The following PAPPA2 variants were observed in gnomAD, a reference collection of about 807,000 sequenced individuals.
The protein encoded by PAPPA2 is pappalysin-2.
PAPPA2 carries 86 observed loss-of-function variants against 176.4 expected under a neutral mutation model. The observed-to-expected ratio is 0.49, with a 90% CI of 0.41 to 0.58. The LOEUF (loss-of-function observed/expected upper bound fraction) is 0.58, where lower values mean the gene tolerates loss of function less well. Ranked by LOEUF, PAPPA2 falls within the 20% of genes least tolerant of loss-of-function variation. The pLI, the probability that PAPPA2 is intolerant of heterozygous loss-of-function variation, is 0.00. For missense variants in PAPPA2, 2,073 were observed against 2,256.9 expected (o/e 0.92, Z 1.65); for synonymous variants, 809 against 852.2 (o/e 0.95, Z 0.88).
intron 19 of PAPPA2, among the ~76,000 whole-genome samples, chr1:176,792,820 G>A (rs2102940381): frequency 6.6e-6 from 1 of 152,276 alleles, no homozygotes; most frequent in Non-Finnish European, 1.5e-5. Flanking sequence ...TATAGATGAG[G>A]AAATAGAGAA....
At chr1:176,469,254 A>G (rs1298354309) in intron 1 of PAPPA2, among the ~76,000 whole-genome samples, 1 of 152,172 alleles carries the variant, frequency 6.6e-6, no homozygotes, top group Non-Finnish European at 1.5e-5. Flanking sequence ...TGTTGGAAAA[A>G]TACTTTTCTG....
At position 176,734,667 on chromosome 1, in the gene PAPPA2, T is replaced by G. The variant is rs538291005; in HGVS notation, c.3799-4959T>G. 3.3e-5 allele frequency among the ~76,000 whole-genome samples: 5 copies of G among 152,190 alleles called. No homozygotes were observed. In the South Asian group the frequency reaches 1.0e-3, roughly 32 times the overall value. Reference sequence around the variant, plus strand: ...ATTTCAGGTAAGATCCCTTGAAACTTTGATTATTAAACTCTTCCTCGACAA... The same window carrying G: ...ATTTCAGGTAAGATCCCTTGAAACTGTGATTATTAAACTCTTCCTCGACAA... On this transcript the variant is annotated intron_variant, in intron 12 of 22. Coordinates refer to ENST00000367662, the MANE Select transcript of PAPPA2 (RefSeq NM_020318.3).
intron 3 of PAPPA2, among the ~76,000 whole-genome samples, chr1:176,618,245 A>G (rs1170374911): frequency 1.3e-5 from 2 of 152,134 alleles, no homozygotes; most frequent in Admixed American, 1.3e-4. Context: ...ATTGAATTTT[A>G]TGACCTCCAT....
At chr1:176,629,539 A>T (rs1389905274) in intron 3 of PAPPA2, among the ~76,000 whole-genome samples, 1 of 152,120 alleles carries the variant, frequency 6.6e-6, no homozygotes, top group Non-Finnish European at 1.5e-5. Flanking sequence ...TGTTTGAATT[A>T]AGCTGGGATG....
In PAPPA2 at chr1:176,701,336, C is replaced by A. The variant is rs112447893; in HGVS notation, c.3237-1271C>A. ...GTTTCCATCCAGTCCTTTCCCCAGCCACAGAAAAGTGTGAAGCTTTTATGC... is the reference window on the plus strand; with the variant it reads ...GTTTCCATCCAGTCCTTTCCCCAGCAACAGAAAAGTGTGAAGCTTTTATGC... On this transcript the variant is annotated intron_variant, in intron 8 of 22. Transcript: ENST00000367662. Among the ~76,000 whole-genome samples, 570 of 152,238 alleles carry A rather than the reference C, an allele frequency of 3.7e-3. 4 individuals carry two copies. Among genetic ancestry groups the A allele is most frequent in the African/African-American group, 0.013 (533 of 41,532 alleles).
In PAPPA2 at chr1:176,844,496, AC is replaced by A. The variant is rs908988966; in HGVS notation, c.*2045del. The A allele has an allele frequency of 2.6e-5, 4 of 152,102 alleles. No individual in the cohort carries two copies. Among genetic ancestry groups the A allele is most frequent in the Admixed American group, 1.3e-4 (2 of 15,250 alleles). 9.4% of individuals were successfully genotyped at this position (152,102 alleles called of 1,614,324 possible). On this transcript the variant is annotated 3_prime_UTR_variant, in exon 23 of 23. Coordinates refer to ENST00000367662, the MANE Select transcript of PAPPA2 (RefSeq NM_020318.3). The stretch of plus-strand genomic sequence containing the variant: ...TTGGGAAAAGGAAAGAGCAGAGTTC[AC>A]CCATTCAAAAAAAACCTTTTGTCTA...
At chr1:176,588,060 ATTTG>A (rs1653429834) in intron 2 of PAPPA2, among the ~76,000 whole-genome samples, 1 of 152,058 alleles carries the variant, frequency 6.6e-6, no homozygotes, top group Admixed American at 6.5e-5. Context: ...ATGTTTTTCC[ATTTG>A]TTTGTGTCCT....
rs186373436 is a variant in PAPPA2, at chr1:176,510,460, A to T, written c.-916-44947A>T. On this transcript the variant is annotated intron_variant, in intron 1 of 22. Transcript: ENST00000367662. Reference sequence around the variant, plus strand: ...TTTCTTTTAAAAGTGGAGTTTAAATAATGGCTTTTCAAAGAAAAGTTGAAA... The same window carrying T: ...TTTCTTTTAAAAGTGGAGTTTAAATTATGGCTTTTCAAAGAAAAGTTGAAA... Among the ~76,000 whole-genome samples, 684 of 152,272 alleles carry T rather than the reference A, an allele frequency of 4.5e-3. 4 individuals are homozygous for T. Among genetic ancestry groups the T allele is most frequent in the African/African-American group, 0.016 (662 of 41,574 alleles).
At chr1:176,803,605 G>T (rs1226847508) in intron 21 of PAPPA2, among the ~76,000 whole-genome samples, 1 of 152,098 alleles carries the variant, frequency 6.6e-6, no homozygotes, top group Non-Finnish European at 1.5e-5. Context: ...TCCTACAGTT[G>T]CCCACACTGG....
intron 21 of PAPPA2, among the ~76,000 whole-genome samples, chr1:176,800,947 A>G (rs1665657088): frequency 6.6e-6 from 1 of 152,138 alleles, no homozygotes; most frequent in Admixed American, 6.6e-5. Context: ...GGCTGCTGTG[A>G]TTTCTTTAGT....
intron 1 of PAPPA2, among the ~76,000 whole-genome samples, chr1:176,520,307 T>G (rs538930619): frequency 2.6e-5 from 4 of 152,294 alleles, no homozygotes; most frequent in African/African-American, 9.6e-5. Context: ...ATGTTCACCC[T>G]CTTAGCTTCT....
At position 176,775,025 on chromosome 1, in the gene PAPPA2, C is replaced by G. The variant is rs574725970; in HGVS notation, c.4715+3845C>G. Among the ~76,000 whole-genome samples the G allele has an allele frequency of 4.6e-5, 7 of 152,254 alleles. No individual in the cohort carries two copies. In the South Asian group the frequency reaches 6.2e-4, roughly 14 times the overall value. Reference sequence around the variant, plus strand: ...ACCTTTTGCTTGACTAACTCCTACTCTCTTATTTTTAGTGCAGGTATGATG... The same window carrying G: ...ACCTTTTGCTTGACTAACTCCTACTGTCTTATTTTTAGTGCAGGTATGATG... On this transcript the variant is annotated intron_variant, in intron 17 of 22. Coordinates refer to ENST00000367662, the MANE Select transcript of PAPPA2 (RefSeq NM_020318.3).
intron 3 of PAPPA2, among the ~76,000 whole-genome samples, chr1:176,669,635 T>C (rs1573224491): frequency 1.3e-5 from 2 of 152,292 alleles, no homozygotes; most frequent in East Asian, 1.9e-4. Context: ...CAGTAAAAGA[T>C]AGTATTTTAA....
At chr1:176,488,198 T>C (rs1044504176) in intron 1 of PAPPA2, among the ~76,000 whole-genome samples, 1 of 152,196 alleles carries the variant, frequency 6.6e-6, no homozygotes, top group Non-Finnish European at 1.5e-5. Flanking sequence ...TTTTTATTTT[T>C]TTTAAATAAG....
In PAPPA2 at chr1:176,740,053, C is replaced by G. The variant is rs183508026; in HGVS notation, c.4008C>G (p.His1336Gln). 32 of 1,613,968 alleles carry G rather than the reference C, an allele frequency of 2.0e-5. No individual in the cohort carries two copies. Among genetic ancestry groups the G allele is most frequent in the African/African-American group, 1.3e-4 (10 of 75,026 alleles). The change falls in exon 14 of 23, where the codon CAC (histidine) becomes CAG (glutamine). Residue 1336 changes from histidine to glutamine, a missense_variant. His to Gln is a conservative substitution (Grantham distance 24). This residue lies in a region of PAPPA2 where 846 missense variants were observed against 857.9 expected (regional missense o/e 0.99). Transcript: ENST00000367662. ...CCCATCACCAGAATGTCCTTTTCCA[C>G]CATACCACCTCAGTGCTGCTGAATT... is the stretch of plus-strand genomic sequence containing the variant. ...NVTHHQNVLFHHTTSVLLNFS... is the reference protein window; with the variant it reads ...NVTHHQNVLFQHTTSVLLNFS...
intron 4 of PAPPA2, among the ~76,000 whole-genome samples, chr1:176,688,207 T>C (rs1230138449): frequency 6.6e-6 from 1 of 152,156 alleles, no homozygotes; most frequent in Non-Finnish European, 1.5e-5. Flanking sequence ...ATTAAACATA[T>C]GTACAGAGTA....
At chr1:176,734,342 A>G (rs1662298366) in intron 12 of PAPPA2, among the ~76,000 whole-genome samples, 1 of 151,990 alleles carries the variant, frequency 6.6e-6, no homozygotes, top group African/African-American at 2.4e-5. Context: ...GTGGGATTAT[A>G]GTGGTTCCCC....
At chr1:176,747,547 A>T (rs984795454) in intron 14 of PAPPA2, among the ~76,000 whole-genome samples, 1 of 152,218 alleles carries the variant, frequency 6.6e-6, no homozygotes, top group Non-Finnish European at 1.5e-5. Context: ...GAAGAAAAAA[A>T]ATCTGAGGAA....
intron 1 of PAPPA2, among the ~76,000 whole-genome samples, chr1:176,547,234 T>C (rs1650683969): frequency 1.3e-5 from 2 of 152,160 alleles, no homozygotes; most frequent in Admixed American, 1.3e-4. Context: ...CAGCTTTTCA[T>C]GGGTCTGTCT....
Sources: allele counts gnomAD v4.1 joint callset (sites outside exome capture counted in the v4.1 genomes callset), GRCh38; gene constraint gnomAD v4.1.1; regional missense constraint gnomAD v4.1.1; transcripts MANE v1.5; gene names NCBI Gene and HGNC (gene_info 2026-07-23, HGNC 2026-07-21).